The following BANP variants were observed in gnomAD, a reference collection of about 807,000 sequenced individuals.
BANP encodes BTG3 associated nuclear protein, also known as protein BANP.
A neutral mutation model predicts 68.1 loss-of-function variants in BANP; 11 were observed. The observed-to-expected ratio is 0.16, with a 90% CI of 0.10 to 0.27. BANP has a LOEUF of 0.27. BANP is among the 10% of genes least tolerant of loss of function. The pLI is 1.00. For missense variants in BANP, 504 were observed against 722.7 expected, an observed-to-expected ratio of 0.70 and a Z score of 3.47; for synonymous variants, 329 against 303.2, an observed-to-expected ratio of 1.09 and a Z score of -0.88.
At chr16:88,021,531 C>T (rs1246202753) in intron 7 of BANP, among the ~76,000 whole-genome samples, 3 of 152,206 alleles carry the variant, frequency 2.0e-5, no homozygotes, top group Non-Finnish European at 4.4e-5. Context: ...GTGCCTTCTC[C>T]CCCGCCTCAG....
chr16:87,999,785 C>T (rs76186846), intron 4 of BANP, among the ~76,000 whole-genome samples: 2 of 18,904 alleles, frequency 1.1e-4, no homozygotes, highest in South Asian at 2.3e-3. Context: ...CGGCTGGACT[C>T]ACCTGTCCTT....
rs1467590404 is a variant in BANP, at chr16:87,957,047, G to C, written c.-69+5532G>C. On this transcript the variant is annotated intron_variant, in intron 1 of 13. Coordinates refer to ENST00000682872, the MANE Select transcript of BANP (RefSeq NM_001386991.1). This position sits in a 1 kb window ranked among gnomAD's most constrained non-coding sequence, Gnocchi z 4.3. ...GTGCCGAGATACTGTGAAGTCACAT[G>C]AACTTGATTCCTGTTGGAAAGAACC... The C allele has an allele frequency of 1.3e-5, 2 of 152,164 alleles. No homozygotes were observed. The highest frequency in any genetic ancestry group is 2.9e-5 in the Non-Finnish European group (2 of 68,060). 9.4% of individuals were successfully genotyped at this position (152,164 alleles called of 1,614,324 possible). A position where few individuals can be genotyped will look rare whatever the true frequency, so the allele number is the denominator to read the frequency against.
chr16:87,979,491 A>C (rs532272060), intron 2 of BANP, among the ~76,000 whole-genome samples: 201 of 67,086 alleles, frequency 3.0e-3, no homozygotes, highest in African/African-American at 8.1e-3. Context: ...GGCTGGACAG[A>C]AGGTTGTTAG....
intron 11 of BANP, among the ~76,000 whole-genome samples, chr16:88,046,804 C>T (rs989461490): frequency 1.3e-5 from 2 of 152,070 alleles, no homozygotes; most frequent in African/African-American, 4.8e-5. Context: ...CGGTGCTTCA[C>T]GCCTGTAATC....
At chr16:88,048,346 C>A (rs1172875010) in intron 11 of BANP, among the ~76,000 whole-genome samples, 1 of 152,108 alleles carries the variant, frequency 6.6e-6, no homozygotes, top group African/African-American at 2.4e-5. Context: ...AAATAAAGCG[C>A]AGACACGATA....
At chr16:87,964,618 A>G (rs55992601) in intron 1 of BANP, among the ~76,000 whole-genome samples, 4,664 of 152,250 alleles carry the variant, frequency 0.031, 95 homozygotes, top group Non-Finnish European at 0.048. Context: ...CTTAGAGCAG[A>G]TGAGGGGCAT....
intron 8 of BANP, among the ~76,000 whole-genome samples, chr16:88,029,167 T>C (rs2077579632): frequency 6.7e-6 from 1 of 149,846 alleles, no homozygotes. Context: ...ATTAGCCAGG[T>C]GTGGTGGCGC....
chr16:87,964,719 G>GC (rs56723464), intron 1 of BANP, among the ~76,000 whole-genome samples: 99,758 of 152,042 alleles, frequency 0.66, 33,298 homozygotes, highest in African/African-American at 0.74. Flanking sequence ...CCGTATGTGA[G>GC]CAGGTCTGAG....
At position 88,036,288 on chromosome 16, in the gene BANP, C is replaced by G. The variant is rs2079335004; in HGVS notation, c.1272+894C>G. 6.6e-6 allele frequency among the ~76,000 whole-genome samples: 1 copy of G among 152,184 alleles called. No homozygotes were observed. The highest frequency in any genetic ancestry group is 2.4e-5 in the African/African-American group (1 of 41,446). On this transcript the variant is annotated intron_variant, in intron 10 of 13. Coordinates refer to ENST00000682872, the MANE Select transcript of BANP (RefSeq NM_001386991.1). This position sits in a 1 kb window ranked among gnomAD's most constrained non-coding sequence, Gnocchi z 4.2. ...GTCGCTGCAAAGATCTCAGGCTTCC[C>G]CACACACACCAGCAGCAGAGACTAG...
In BANP at chr16:88,032,817, C is replaced by G. The variant is rs146933314; in HGVS notation, c.1064-292C>G. Among the ~76,000 whole-genome samples the G allele has an allele frequency of 2.6e-4, 40 of 152,350 alleles. 1 individual carries two copies. The East Asian group carries it at 6.5e-3, about 25-fold the overall frequency. On this transcript the variant is annotated intron_variant, in intron 8 of 13. Coordinates refer to ENST00000682872, the MANE Select transcript of BANP (RefSeq NM_001386991.1). ...AGCCTGAAACAGCTTTTAATGTCCA[C>G]TTTAAGAACTTCATTCATTTAAATA...
chr16:88,006,384 C>T lies in BANP; in HGVS notation c.655+119C>T, dbSNP rs1278323090. On this transcript the variant is annotated intron_variant, in intron 6 of 13. Transcript: ENST00000682872. ...TACAGTGGCCAGGCGCGGTGGCTCA[C>T]GCCTGTAATCCCAGCACTTTGGGAG... 17 of 1,201,170 alleles carry T rather than the reference C, an allele frequency of 1.4e-5. 1 individual carries two copies. Among genetic ancestry groups the T allele is most frequent in the Non-Finnish European group, 1.8e-5 (16 of 885,222 alleles). 74.4% of individuals were successfully genotyped at this position (1,201,170 alleles called of 1,614,324 possible).
rs902361174 is a variant in BANP, at chr16:88,076,739, C to G, written c.*78C>G. On this transcript the variant is annotated 3_prime_UTR_variant, in exon 14 of 14. Transcript: ENST00000682872. Reference sequence around the variant, plus strand: ...CCCACGCGCCCTGCTCTCACGGCCTCGGCACAGGCAGCGGCTGCACGTGTT... The same window carrying G: ...CCCACGCGCCCTGCTCTCACGGCCTGGGCACAGGCAGCGGCTGCACGTGTT... 3 of 1,233,532 alleles carry G rather than the reference C, an allele frequency of 2.4e-6. No homozygotes were observed. In the African/African-American group the frequency reaches 4.6e-5, roughly 19 times the overall value. 76.4% of individuals were successfully genotyped at this position (1,233,532 alleles called of 1,614,324 possible).
chr16:88,060,520 C>G (rs930371698), intron 11 of BANP, among the ~76,000 whole-genome samples: 3 of 152,210 alleles, frequency 2.0e-5, no homozygotes, highest in African/African-American at 7.2e-5. Flanking sequence ...TTCTTTTGCC[C>G]TCTCACGGTG....
At chr16:88,046,520 CT>C (rs1274387035) in intron 11 of BANP, among the ~76,000 whole-genome samples, 4 of 151,906 alleles carry the variant, frequency 2.6e-5, no homozygotes, top group Non-Finnish European at 5.9e-5. Flanking sequence ...TGTTTATGTT[CT>C]TTTTTTAATT....
intron 11 of BANP, among the ~76,000 whole-genome samples, chr16:88,054,066 A>C (rs2084209944): frequency 2.4e-5 from 2 of 84,780 alleles, no homozygotes; most frequent in African/African-American, 3.7e-5. Flanking sequence ...TCACCAACAC[A>C]ACCACCTTCA....
intron 7 of BANP, among the ~76,000 whole-genome samples, chr16:88,019,904 T>C (rs2075658348): frequency 6.6e-6 from 1 of 152,148 alleles, no homozygotes; most frequent in Admixed American, 6.5e-5. Context: ...CTGCAGGTTT[T>C]TCTGGAAGCT....
At chr16:88,055,381 G>A (rs1016119148) in intron 11 of BANP, among the ~76,000 whole-genome samples, 4 of 152,118 alleles carry the variant, frequency 2.6e-5, no homozygotes, top group Non-Finnish European at 1.5e-5. Flanking sequence ...GATCCAGGGC[G>A]TTCCCACTGT....
At chr16:88,039,819 C>T (rs2080297591) in intron 11 of BANP, among the ~76,000 whole-genome samples, 1 of 150,458 alleles carries the variant, frequency 6.6e-6, no homozygotes, top group African/African-American at 2.4e-5. Context: ...GTTCCTCCGT[C>T]ACTGCTGCTG....
chr16:87,998,731 C>T (rs560304157), intron 4 of BANP, among the ~76,000 whole-genome samples: 3 of 149,534 alleles, frequency 2.0e-5, no homozygotes, highest in South Asian at 2.1e-4. Flanking sequence ...CGCACGTGCG[C>T]GGCTGTACTT....
Sources: allele counts gnomAD v4.1 joint callset (sites outside exome capture counted in the v4.1 genomes callset), GRCh38; gene constraint gnomAD v4.1.1; non-coding constraint Gnocchi (gnomAD v3.1); transcripts MANE v1.5; gene names NCBI Gene and HGNC (gene_info 2026-07-23, HGNC 2026-07-21).